The following IFT43 variants were observed in gnomAD, a reference collection of about 807,000 sequenced individuals.
IFT43 encodes the protein intraflagellar transport 43, also known as intraflagellar transport protein 43 homolog.
Under a neutral mutation model 32.3 loss-of-function variants are expected in IFT43, and 33 were observed. The observed-to-expected ratio is 1.02, with a 90% CI of 0.77 to 1.37. IFT43 has a LOEUF of 1.37. Among genes scored for constraint, IFT43 ranks in the 40% most tolerant of loss-of-function variants. The pLI is 0.00. For missense variants in IFT43, 274 were observed against 265.9 expected (o/e 1.03, Z -0.21); for synonymous variants, 93 against 98.2 (o/e 0.95, Z 0.31).
At chr14:76,020,506 T>C (rs1283031888) in intron 2 of IFT43, among the ~76,000 whole-genome samples, 1 of 152,184 alleles carries the variant, frequency 6.6e-6, no homozygotes, top group Non-Finnish European at 1.5e-5. Context: ...TCTTATGGAT[T>C]GACTTCCATA....
intron 5 of IFT43, among the ~76,000 whole-genome samples, chr14:76,072,812 C>G (rs906472935): frequency 6.6e-6 from 1 of 152,048 alleles, no homozygotes; most frequent in African/African-American, 2.4e-5. Context: ...GGATTCTGTC[C>G]CCATTTAATA....
At chr14:76,046,884 T>C (rs2036817449) in intron 3 of IFT43, among the ~76,000 whole-genome samples, 1 of 152,200 alleles carries the variant, frequency 6.6e-6, no homozygotes, top group African/African-American at 2.4e-5. Context: ...GTCTGGGTAG[T>C]TTATAAATAA....
intron 2 of IFT43, chr14:76,013,677 A>C: frequency 6.3e-6 from 2 of 317,350 alleles, no homozygotes; most frequent in Non-Finnish European, 1.2e-5. Flanking sequence ...CAAATCCAAA[A>C]TGGCAGCCAG....
At chr14:76,013,124 T>G (rs2036117111) in intron 2 of IFT43, among the ~76,000 whole-genome samples, 1 of 152,236 alleles carries the variant, frequency 6.6e-6, no homozygotes. Context: ...TGTCTTAGCC[T>G]GCCTGAAGAT....
intron 5 of IFT43, among the ~76,000 whole-genome samples, chr14:76,081,616 C>G (rs113965043): frequency 0.01 from 1,592 of 152,310 alleles, 25 homozygotes; most frequent in African/African-American, 0.036. Flanking sequence ...GGCCTCGTGT[C>G]TCCTCGTATG....
intron 3 of IFT43, among the ~76,000 whole-genome samples, chr14:76,025,212 C>T (rs531891452): frequency 1.2e-4 from 18 of 152,104 alleles, no homozygotes; most frequent in Admixed American, 5.2e-4. Context: ...TTGTTGCCTT[C>T]AAAATGGCAT....
At chr14:75,999,250 TATATATATATATATATATATATGTA>T (rs2035816579) in intron 2 of IFT43, among the ~76,000 whole-genome samples, 12 of 7,982 alleles carry the variant, frequency 1.5e-3, no homozygotes, top group African/African-American at 5.1e-3. Context: ...TATATATATA[TATATATATATATATATATATATGTA>T]TATATATTTT....
At chr14:76,078,955 AG>A (rs2037459112) in intron 5 of IFT43, among the ~76,000 whole-genome samples, 1 of 152,170 alleles carries the variant, frequency 6.6e-6, no homozygotes, top group Non-Finnish European at 1.5e-5. Flanking sequence ...AGAAGTAGCG[AG>A]TCAGGGTGTA....
chr14:76,058,682 T>G lies in IFT43; in HGVS notation c.248+8T>G. On this transcript the variant is annotated splice_region_variant and intron_variant, in intron 4 of 8. Coordinates refer to ENST00000314067, the MANE Select transcript of IFT43 (RefSeq NM_001102564.3). ...TTCTGAAGAAATAGAAGAGTACGTT[T>G]CCAGTATTCTTATTCTTATGGTATC... is the stretch of plus-strand genomic sequence containing the variant. 3.1e-6 allele frequency: 5 copies of G among 1,611,042 alleles called. No individual in the cohort carries two copies. The highest frequency in any genetic ancestry group is 4.2e-6 in the Non-Finnish European group (5 of 1,178,400).
rs2037551823 is a variant in IFT43, at chr14:76,083,411, G to A, written c.508-47G>A. On this transcript the variant is annotated intron_variant, in intron 8 of 8. Transcript: ENST00000314067. ...GGAGGGAGAAGTCAGCTACAGTTGA[G>A]GGAAAAGGCCTTTCTTTGTCTTACC... The A allele has an allele frequency of 2.5e-6, 4 of 1,613,960 alleles. No homozygotes were observed. The African/African-American group carries it at 4.0e-5, about 16-fold the overall frequency.
chr14:76,047,272 CGTATA>C (rs2036826216), intron 3 of IFT43, among the ~76,000 whole-genome samples: 1 of 152,156 alleles, frequency 6.6e-6, no homozygotes, highest in Admixed American at 6.5e-5. Flanking sequence ...GAGCTCAGCA[CGTATA>C]CCTTGGCTGG....
intron 2 of IFT43, among the ~76,000 whole-genome samples, chr14:75,999,183 A>C (rs943308429): frequency 2.3e-5 from 2 of 85,180 alleles, no homozygotes; most frequent in Non-Finnish European, 5.1e-5. Context: ...TTGCCCATTC[A>C]TTCATTTATA....
chr14:75,997,976 A>C (rs2035779644), intron 2 of IFT43, among the ~76,000 whole-genome samples: 1 of 152,102 alleles, frequency 6.6e-6, no homozygotes, highest in South Asian at 2.1e-4. Context: ...ACAAAACAAA[A>C]CCCAAATCCT....
chr14:76,065,345 A>G (rs1359514887), intron 5 of IFT43, among the ~76,000 whole-genome samples: 2 of 152,200 alleles, frequency 1.3e-5, no homozygotes, highest in South Asian at 2.1e-4. Flanking sequence ...TGAAAAATCA[A>G]CTTTACTAAG....
chr14:76,043,550 A>G (rs946667434), intron 3 of IFT43, among the ~76,000 whole-genome samples: 1 of 151,636 alleles, frequency 6.6e-6, no homozygotes, highest in African/African-American at 2.4e-5. Context: ...CACTGCAGCC[A>G]CTGCCTCCCG....
At chr14:76,017,264 G>T (rs1026387226) in intron 2 of IFT43, among the ~76,000 whole-genome samples, 1 of 152,114 alleles carries the variant, frequency 6.6e-6, no homozygotes, top group Non-Finnish European at 1.5e-5. Context: ...ATGAAGGGAT[G>T]TTCAATCATA....
intron 3 of IFT43, among the ~76,000 whole-genome samples, chr14:76,025,296 G>T (rs946689264): frequency 1.3e-5 from 2 of 151,968 alleles, no homozygotes. Flanking sequence ...AACAAATGGA[G>T]GAATAGTCCA....
At chr14:76,076,541 T>C in intron 5 of IFT43, 1 of 1,609,526 alleles carries the variant, frequency 6.2e-7, no homozygotes, top group Non-Finnish European at 8.5e-7. Flanking sequence ...TGGGTAGTGC[T>C]TGGGGTATAC....
chr14:76,082,202 C>T, intron 5 of IFT43, 93 bp from the exon 6 acceptor site: 2 of 1,131,348 alleles, frequency 1.8e-6, no homozygotes, highest in Non-Finnish European at 2.7e-6. Context: ...AGCCCCATGG[C>T]TGGTGTGTTG....
Sources: gnomAD v4.1 joint callset for allele counts (sites outside exome capture counted in the v4.1 genomes callset) on GRCh38, gnomAD v4.1.1 for gene constraint, MANE v1.5 for transcripts, NCBI Gene and HGNC (gene_info 2026-07-23, HGNC 2026-07-21) for gene names.